Variants in HMCN2 observed in about 807,000 individuals in gnomAD.
The protein encoded by HMCN2 is hemicentin-2.
HMCN2 carries 325 observed loss-of-function variants against 377.5 expected under a neutral mutation model. That is an observed-to-expected ratio of 0.86 (90% CI 0.79 to 0.94). The LOEUF (loss-of-function observed/expected upper bound fraction) is 0.94, where lower values mean the gene tolerates loss of function less well. HMCN2 is among the 40% of genes least tolerant of loss of function. The probability of loss-of-function intolerance (pLI) is 0.00; values close to 1 mark genes in which losing one functional copy is unlikely to be tolerated. For missense variants in HMCN2, 4,543 were observed against 4,725.3 expected, an observed-to-expected ratio of 0.96 and a Z score of 1.13; for synonymous variants, 2,007 against 2,046.8, an observed-to-expected ratio of 0.98 and a Z score of 0.53.
At position 130,327,138 on chromosome 9, in the gene HMCN2, C is replaced by A. The variant is rs992183488; in HGVS notation, c.3194-172C>A. ...GAAAACCCTGGGACCTGAGTCCCAC[C>A]TCCAATCTGGACTCCCCCCCTTCTG... On this transcript the variant is annotated intron_variant, in intron 21 of 97. Coordinates refer to ENST00000683500, the MANE Select transcript of HMCN2 (RefSeq NM_001291815.2). Among the ~76,000 whole-genome samples the A allele has an allele frequency of 2.2e-3, 332 of 152,202 alleles. 3 individuals are homozygous for A. The highest frequency in any genetic ancestry group is 4.4e-3 in the South Asian group (21 of 4,822).
intron 46 of HMCN2, 69 bp downstream of exon 46, chr9:130,371,200 C>A: frequency 1.1e-6 from 1 of 884,362 alleles, no homozygotes; most frequent in Non-Finnish European, 1.4e-6. Context: ...CTATCCATTA[C>A]ATGCCCATGA....
At chr9:130,421,095 C>CT (rs1269023357) in intron 86 of HMCN2, among the ~76,000 whole-genome samples, 1 of 152,122 alleles carries the variant, frequency 6.6e-6, no homozygotes, top group Non-Finnish European at 1.5e-5. Flanking sequence ...ATACACTTTT[C>CT]TTTTTACAAA....
chr9:130,349,794 C>T, intron 29 of HMCN2, 131 bp downstream of exon 29: 12 of 906,136 alleles, frequency 1.3e-5, no homozygotes, highest in South Asian at 3.6e-5. Context: ...AGGGCCCAGA[C>T]TGAGGGCTGT....
chr9:130,376,054 G>A (rs756174344), intron 51 of HMCN2, 65 bp downstream of exon 51: 76 of 665,916 alleles, frequency 1.1e-4, no homozygotes, highest in Non-Finnish European at 1.3e-4. Flanking sequence ...TAGGGGCCCA[G>A]GCACCTGAGC....
chr9:130,401,051 C>G (rs896628037), intron 77 of HMCN2, 104 bp downstream of exon 77: 2 of 1,005,936 alleles, frequency 2.0e-6, no homozygotes, highest in East Asian at 1.3e-4. Context: ...ACTATCTGGC[C>G]TGGCACTGCC....
In HMCN2 at chr9:130,392,045, AGCT is replaced by A. The variant is rs1299726785; in HGVS notation, c.10065_10067del (p.Ser3355_Trp3356delinsArg). 2.0e-6 allele frequency: 2 copies of A among 988,236 alleles called. No homozygotes were observed. The highest frequency in any genetic ancestry group is 1.2e-4 in the Admixed American group (2 of 16,282). 61.2% of individuals were successfully genotyped at this position (988,236 alleles called of 1,614,324 possible). On this transcript the variant is annotated inframe_deletion, in exon 66 of 98. Coordinates refer to ENST00000683500, the MANE Select transcript of HMCN2 (RefSeq NM_001291815.2). ...GCGGGGCTCCCCGCCCATCCACGTGAGCTGGCTCAAGGACGGCCTGCCCCTCCC... is the reference window on the plus strand; with the variant it reads ...GCGGGGCTCCCCGCCCATCCACGTGAGGCTCAAGGACGGCCTGCCCCTCCC...
chr9:130,360,337 GCATCTCTCTTCCTTTCCCCCTTA>G lies in HMCN2; in HGVS notation c.5774-89_5774-67del, dbSNP rs1196253255. ...TTGCATCTCTCTTCCTTTCCCCCTT[GCATCTCTCTTCCTTTCCCCCTTA>G]CTTCTCTCTTCCATTCCCCCTTGCT... On this transcript the variant is annotated intron_variant, in intron 37 of 97. Coordinates refer to ENST00000683500, the MANE Select transcript of HMCN2 (RefSeq NM_001291815.2). This position sits in a 1 kb window ranked among gnomAD's most constrained non-coding sequence, Gnocchi z 4.7. The G allele has an allele frequency of 0.014, 7,655 of 548,074 alleles. 424 individuals carry two copies. In the African/African-American group the frequency reaches 0.19, roughly 14 times the overall value. 34.0% of individuals were successfully genotyped at this position (548,074 alleles called of 1,614,324 possible).
In HMCN2 at chr9:130,266,117, T is replaced by C. The variant is rs1554918878; in HGVS notation, c.239T>C (p.Leu80Pro). ...AGCCAGGCCATCGCCAACTACGCGC[T>C]GGTGCCCTTCCACGACCCAGGTAGC... ...RRSQAIANYALVPFHDPDIGP... is the reference protein window; with the variant it reads ...RRSQAIANYAPVPFHDPDIGP... The change falls in exon 1 of 98, where the codon CTG (leucine) becomes CCG (proline). Residue 80 changes from leucine to proline, a missense_variant. By Grantham distance (98) the Leu-to-Pro change is moderately conservative (BLOSUM62 -3). Transcript: ENST00000683500. 4.3e-6 allele frequency: 2 copies of C among 468,188 alleles called. No homozygotes were observed. The highest frequency in any genetic ancestry group is 2.3e-5 in the Admixed American group (1 of 42,560). 29.0% of individuals were successfully genotyped at this position (468,188 alleles called of 1,614,324 possible).
Position 130,355,871 on chromosome 9 carries a change from G to A in HMCN2, c.5255+17G>A, listed in dbSNP as rs538399656. 12 of 1,268,308 alleles carry A rather than the reference G, an allele frequency of 9.5e-6. No homozygotes were observed. The highest frequency in any genetic ancestry group is 5.7e-5 in the East Asian group (1 of 17,650). The allele number at this position is 1,268,308 out of a possible 1,614,324, so 78.6% of individuals were successfully genotyped here. ...CACTATCCAGTGAGTCTGGGGTGGT[G>A]GAGGCCAGGGCTGGGGGTAGGCAGA... On this transcript the variant is annotated intron_variant, in intron 33 of 97. Transcript: ENST00000683500.
chr9:130,374,266 G>C (rs1324669696), intron 48 of HMCN2, among the ~76,000 whole-genome samples: 1 of 152,154 alleles, frequency 6.6e-6, no homozygotes, highest in Non-Finnish European at 1.5e-5. Flanking sequence ...GGAATACCTT[G>C]TTTTTCTGTC....
intron 15 of HMCN2, among the ~76,000 whole-genome samples, chr9:130,313,428 C>A: frequency 6.6e-6 from 1 of 152,346 alleles, no homozygotes. Context: ...GTCCTAGGCT[C>A]CATGCCCAGG....
chr9:130,321,691 A>C (rs1837861398), intron 18 of HMCN2, 96 bp from the exon 19 acceptor site: 1 of 152,178 alleles, frequency 6.6e-6, no homozygotes. Context: ...GCTGCTCCCT[A>C]CTGGCCTGAT....
chr9:130,347,867 A>C lies in HMCN2; in HGVS notation c.4024+507A>C, dbSNP rs1839469924. The C allele has an allele frequency of 3.1e-6, 1 of 323,860 alleles. No homozygotes were observed. Among genetic ancestry groups the C allele is most frequent in the Non-Finnish European group, 4.4e-6 (1 of 225,698 alleles). The allele number at this position is 323,860 out of a possible 1,614,324, so 20.1% of individuals were successfully genotyped here. On this transcript the variant is annotated intron_variant, in intron 26 of 97. Transcript: ENST00000683500. This position sits in a 1 kb window ranked among gnomAD's most constrained non-coding sequence, Gnocchi z 5.1. ...TCTCTACATAAAATAAACTTAAAAA[A>C]TTATTTTTAAAAATGAGCACGGATG...
At chr9:130,275,876 G>GCCTGGAGA (rs56184877) in intron 1 of HMCN2, among the ~76,000 whole-genome samples, 1 of 152,086 alleles carries the variant, frequency 6.6e-6, no homozygotes, top group East Asian at 1.9e-4. Flanking sequence ...AGGCCTGGAG[G>GCCTGGAGA]TCTGAGCGGC....
rs1257397093 is a variant in HMCN2, at chr9:130,350,378, CAAAAAAATACAA to C, written c.4430+723_4430+734del. On this transcript the variant is annotated intron_variant, in intron 29 of 97. Coordinates refer to ENST00000683500, the MANE Select transcript of HMCN2 (RefSeq NM_001291815.2). ...CGAGACCCTGTCTCTGCTAAAAATA[CAAAAAAATACAA>C]AAAAAAAAAAAAAAGAAATAGCCAG... is the stretch of plus-strand genomic sequence containing the variant. Among the ~76,000 whole-genome samples, 249 of 74,736 alleles carry C rather than the reference CAAAAAAATACAA, an allele frequency of 3.3e-3. 14 individuals carry two copies. The highest frequency in any genetic ancestry group is 0.012 in the African/African-American group (234 of 20,060). 49.0% of individuals were successfully genotyped at this position (74,736 alleles called of 152,430 possible).
chr9:130,363,065 T>G, intron 40 of HMCN2, 75 bp downstream of exon 40: 1 of 980,452 alleles, frequency 1.0e-6, no homozygotes, highest in Non-Finnish European at 1.2e-6. Context: ...CCCAGTCACT[T>G]CCAAAAGGAG....
At chr9:130,411,365 G>A (rs1043147958) in intron 85 of HMCN2, among the ~76,000 whole-genome samples, 7 of 152,114 alleles carry the variant, frequency 4.6e-5, no homozygotes, top group African/African-American at 9.7e-5. Flanking sequence ...ACTTTGGGAG[G>A]CCAAGGCGGG....
chr9:130,406,981 T>C, intron 82 of HMCN2: 1 of 152,250 alleles, frequency 6.6e-6, no homozygotes, highest in Non-Finnish European at 1.5e-5. Flanking sequence ...CTGGGCGCGG[T>C]GGCTCACGCC....
chr9:130,311,428 G>A (rs1837235139), intron 15 of HMCN2, among the ~76,000 whole-genome samples: 1 of 152,160 alleles, frequency 6.6e-6, no homozygotes, highest in Non-Finnish European at 1.5e-5. Context: ...TTCAACACAG[G>A]GTCACCAGGT....
Sources: allele counts gnomAD v4.1 joint callset (sites outside exome capture counted in the v4.1 genomes callset), GRCh38; gene constraint gnomAD v4.1.1; non-coding constraint Gnocchi (gnomAD v3.1); transcripts MANE v1.5; gene names NCBI Gene and HGNC (gene_info 2026-07-23, HGNC 2026-07-21).